The following NBAS variants were observed in gnomAD, a reference collection of about 807,000 sequenced individuals.
The protein encoded by NBAS is NBAS subunit of NRZ tethering complex.
Under a neutral mutation model 302.5 loss-of-function variants are expected in NBAS, and 219 were observed. That is an observed-to-expected ratio of 0.72 (90% CI 0.65 to 0.81). NBAS has a LOEUF of 0.81. NBAS is among the 30% of genes least tolerant of loss of function. The pLI, the probability that NBAS is intolerant of heterozygous loss-of-function variation, is 0.00. For synonymous variants in NBAS, 1,118 were observed against 1,021.6 expected (o/e 1.09, Z -1.80); for missense variants, 2,932 against 2,841.6 (o/e 1.03, Z -0.72).
At chr2:15,011,506 T>C in the NBAS span, among the ~76,000 whole-genome samples, 14 of 152,274 alleles carry the variant, frequency 9.2e-5, no homozygotes, top group African/African-American at 3.4e-4. Context: ...CTGATAGGCA[T>C]GTCCCTAGGT....
At chr2:15,329,527 T>C (rs149505772) in intron 36 of NBAS, among the ~76,000 whole-genome samples, 6 of 152,314 alleles carry the variant, frequency 3.9e-5, no homozygotes, top group Admixed American at 1.3e-4. Flanking sequence ...GATCACACAA[T>C]TGCATTGCTG....
Position 15,415,708 on chromosome 2 carries a change from A to G in NBAS, c.2775T>C (p.Asp925=), listed in dbSNP as rs79283114. 7.3e-3 allele frequency: 11,729 copies of G among 1,614,170 alleles called. 270 individuals carry two copies. The highest frequency in any genetic ancestry group is 0.052 in the African/African-American group (3,931 of 75,044). ...ACTGGTAGGCACTTGTCACATATTT[A>G]TCCTCAGAACACTGAAAGTACAATC... ...LRLLMNSCSE[D]KYVTSAYQWM... is the part of the protein sequence containing the mutation. The change falls in exon 25 of 52, where the codon GAT becomes GAC. Residue 925 remains aspartate (D), a synonymous_variant. Coordinates refer to ENST00000281513, the MANE Select transcript of NBAS (RefSeq NM_015909.4).
the NBAS span, among the ~76,000 whole-genome samples, chr2:15,142,225 A>C: frequency 6.6e-6 from 1 of 152,236 alleles, no homozygotes; most frequent in African/African-American, 2.4e-5. Context: ...GGGAACCGGA[A>C]GACAGCAGCA....
At chr2:15,220,124 G>T (rs1442219643) in intron 47 of NBAS, among the ~76,000 whole-genome samples, 1 of 146,586 alleles carries the variant, frequency 6.8e-6, no homozygotes, top group Non-Finnish European at 1.5e-5. Context: ...CTGGCCGGGC[G>T]GGGGGCTGAC....
intron 22 of NBAS, among the ~76,000 whole-genome samples, chr2:15,425,162 C>A (rs1315990118): frequency 6.7e-5 from 10 of 149,066 alleles, no homozygotes; most frequent in African/African-American, 9.9e-5. Flanking sequence ...TGTTTAAGGA[C>A]AAAAAAAAAA....
At chr2:15,122,533 C>T in the NBAS span, among the ~76,000 whole-genome samples, 11 of 152,136 alleles carry the variant, frequency 7.2e-5, no homozygotes, top group Non-Finnish European at 1.5e-4. Flanking sequence ...CACCTGGCCC[C>T]ATCTCCAACA....
chr2:15,169,232 CACCTTTGACCCA>C (rs1160224374), intron 51 of NBAS, among the ~76,000 whole-genome samples: 1 of 152,160 alleles, frequency 6.6e-6, no homozygotes, highest in Non-Finnish European at 1.5e-5. Flanking sequence ...CCTTTGACCC[CACCTTTGACCCA>C]AAACACTTAG....
chr2:14,830,802 T>A, the NBAS span, among the ~76,000 whole-genome samples: 1 of 152,156 alleles, frequency 6.6e-6, no homozygotes, highest in African/African-American at 2.4e-5. Context: ...TAAGGTTTAG[T>A]TTTTCAACTC....
At chr2:15,354,348 T>C (rs1673514924) in intron 33 of NBAS, among the ~76,000 whole-genome samples, 2 of 152,220 alleles carry the variant, frequency 1.3e-5, no homozygotes, top group Admixed American at 1.3e-4. Flanking sequence ...ATTCTTAAAA[T>C]ACATTTTTAT....
chr2:15,047,606 C>T, the NBAS span, among the ~76,000 whole-genome samples: 6 of 150,856 alleles, frequency 4.0e-5, no homozygotes, highest in African/African-American at 9.8e-5. Flanking sequence ...AAAAGCTGGA[C>T]CCATGCAGAT....
rs182304545 is a variant in NBAS, at chr2:15,388,977, T to C, written c.3257+5250A>G. On this transcript the variant is annotated intron_variant, in intron 28 of 51. Coordinates refer to ENST00000281513, the MANE Select transcript of NBAS (RefSeq NM_015909.4). Reference sequence around the variant, plus strand: ...TAGTGTTTTGAAGGGGGGTAACTTATAGCACAAACAATCCATATATATATA... The same window carrying C: ...TAGTGTTTTGAAGGGGGGTAACTTACAGCACAAACAATCCATATATATATA... Among the ~76,000 whole-genome samples the C allele has an allele frequency of 3.3e-5, 5 of 152,272 alleles. 1 individual carries two copies. The South Asian group carries it at 6.2e-4, about 19-fold the overall frequency.
the NBAS span, among the ~76,000 whole-genome samples, chr2:15,025,463 T>C: frequency 7.6e-4 from 115 of 152,204 alleles, no homozygotes; most frequent in Non-Finnish European, 9.6e-4. Flanking sequence ...TTTTGTTCCA[T>C]ATGAATTTTA....
chr2:15,487,960 T>C (rs1680702127), intron 12 of NBAS, among the ~76,000 whole-genome samples: 1 of 152,134 alleles, frequency 6.6e-6, no homozygotes, highest in Non-Finnish European at 1.5e-5. Flanking sequence ...TAAGAATATC[T>C]AAAACAAATA....
rs191876498 is a variant in NBAS, at chr2:15,262,982, C to T, written c.5724+12502G>A. Reference sequence around the variant, plus strand: ...AAACAAATGCAGGTAGCACACATGCCCACATTGCAGTAATGAGCCCAAATC... The same window carrying T: ...AAACAAATGCAGGTAGCACACATGCTCACATTGCAGTAATGAGCCCAAATC... On this transcript the variant is annotated intron_variant, in intron 44 of 51. Transcript: ENST00000281513. Among the ~76,000 whole-genome samples, 12 of 152,248 alleles carry T rather than the reference C, an allele frequency of 7.9e-5. No individual in the cohort carries two copies. The South Asian group carries it at 1.5e-3, about 18-fold the overall frequency.
At chr2:15,324,674 C>A (rs1671982053) in intron 38 of NBAS, among the ~76,000 whole-genome samples, 1 of 152,182 alleles carries the variant, frequency 6.6e-6, no homozygotes, top group Admixed American at 6.5e-5. Context: ...GGGACAATGT[C>A]TCCTACTTTA....
intron 24 of NBAS, among the ~76,000 whole-genome samples, chr2:15,416,350 TC>T (rs1309075745): frequency 6.6e-6 from 1 of 152,194 alleles, no homozygotes; most frequent in African/African-American, 2.4e-5. Context: ...TTACTCATTA[TC>T]CCTAAAATTA....
In NBAS at chr2:15,379,219, T is replaced by C. The variant is rs78707085; in HGVS notation, c.3590+383A>G. The stretch of plus-strand genomic sequence containing the variant: ...CTCTTTTTTTTTTTCAAAAGACTTA[T>C]GCCCTGGCATTTAGGTCCCTTGTCT... On this transcript the variant is annotated intron_variant, in intron 30 of 51. Transcript: ENST00000281513. Among the ~76,000 whole-genome samples, 1,259 of 151,060 alleles carry C rather than the reference T, an allele frequency of 8.3e-3. 18 individuals are homozygous for C. Among genetic ancestry groups the C allele is most frequent in the East Asian group, 0.058 (298 of 5,114 alleles).
At chr2:14,846,744 T>A in the NBAS span, among the ~76,000 whole-genome samples, 4 of 152,092 alleles carry the variant, frequency 2.6e-5, no homozygotes, top group African/African-American at 9.7e-5. Context: ...TAAGTTGTTA[T>A]CAACTTAAAA....
intron 6 of NBAS, among the ~76,000 whole-genome samples, chr2:15,550,207 G>A (rs1558431964): frequency 6.6e-6 from 1 of 151,998 alleles, no homozygotes; most frequent in Non-Finnish European, 1.5e-5. Flanking sequence ...GAGGGAGTGG[G>A]GGAATCTTCT....
Sources: gnomAD v4.1 joint callset for allele counts (sites outside exome capture counted in the v4.1 genomes callset) on GRCh38, gnomAD v4.1.1 for gene constraint, MANE v1.5 for transcripts, NCBI Gene and HGNC (gene_info 2026-07-23, HGNC 2026-07-21) for gene names.